Variants in LRRC38 observed in about 807,000 individuals in gnomAD.
LRRC38 encodes leucine-rich repeat-containing protein 38.
LRRC38 carries 5 observed loss-of-function variants against 16.4 expected under a neutral mutation model. That is an observed-to-expected ratio of 0.31 (90% CI 0.16 to 0.64). The LOEUF (loss-of-function observed/expected upper bound fraction) is 0.64, where lower values mean the gene tolerates loss of function less well. Among genes scored for constraint, LRRC38 ranks in the 30% least tolerant of loss-of-function variants. The pLI is 0.80. For synonymous variants in LRRC38, 191 were observed against 190.2 expected (o/e 1.00, Z -0.04); for missense variants, 341 against 401.8 (o/e 0.85, Z 1.29).
At chr1:13,491,065 C>T (rs1639006215) in intron 1 of LRRC38, among the ~76,000 whole-genome samples, 1 of 152,316 alleles carries the variant, frequency 6.6e-6, no homozygotes, top group South Asian at 2.1e-4. Flanking sequence ...CCCTCTTGCC[C>T]AACAACCCTT....
chr1:13,484,020 T>A (rs1638902258), intron 1 of LRRC38, among the ~76,000 whole-genome samples: 1 of 151,954 alleles, frequency 6.6e-6, no homozygotes, highest in Non-Finnish European at 1.5e-5. Context: ...CTACTTCTAG[T>A]CATTCCTCTG....
intron 1 of LRRC38, among the ~76,000 whole-genome samples, chr1:13,482,663 C>A (rs1459741691): frequency 6.6e-6 from 1 of 151,732 alleles, no homozygotes; most frequent in Non-Finnish European, 1.5e-5. Context: ...GGGGCTGGAT[C>A]AGCAGGACAG....
intron 1 of LRRC38, among the ~76,000 whole-genome samples, chr1:13,510,739 T>C (rs1299833771): frequency 2.0e-5 from 3 of 152,070 alleles, no homozygotes; most frequent in African/African-American, 4.8e-5. Context: ...ATAATCTCAT[T>C]TAAATCTCAC....
In LRRC38 at chr1:13,490,076, G is replaced by A. The variant is rs541207158; in HGVS notation, c.632-13977C>T. Among the ~76,000 whole-genome samples, 244 of 152,272 alleles carry A rather than the reference G, an allele frequency of 1.6e-3. 2 individuals carry two copies. The highest frequency in any genetic ancestry group is 4.6e-3 in the South Asian group (22 of 4,822). ...GTCGCACACATAAGCGAGGAAAACC[G>A]ACTGACTGTTCATGTGATTTTTGTA... On this transcript the variant is annotated intron_variant, in intron 1 of 1. Coordinates refer to ENST00000376085, the MANE Select transcript of LRRC38 (RefSeq NM_001010847.2).
chr1:13,481,391 T>TTA (rs1419366958), intron 1 of LRRC38, among the ~76,000 whole-genome samples: 11,780 of 133,830 alleles, frequency 0.088, 528 homozygotes, highest in Middle Eastern at 0.17. Flanking sequence ...TTTTATTTTT[T>TTA]TTTTTTTGTT....
At chr1:13,496,887 G>A (rs754393520) in intron 1 of LRRC38, among the ~76,000 whole-genome samples, 16 of 152,150 alleles carry the variant, frequency 1.1e-4, no homozygotes, top group East Asian at 1.9e-4. Flanking sequence ...ATGGGGCTGC[G>A]GCCCAGGGAG....
chr1:13,481,792 T>TCTCC (rs764490280), intron 1 of LRRC38, among the ~76,000 whole-genome samples: 5 of 90,554 alleles, frequency 5.5e-5, no homozygotes, highest in Admixed American at 2.0e-4. Flanking sequence ...TCTCTCCCTC[T>TCTCC]CTCTCTCTCT....
At chr1:13,493,776 C>T (rs1639047274) in intron 1 of LRRC38, among the ~76,000 whole-genome samples, 2 of 152,116 alleles carry the variant, frequency 1.3e-5, no homozygotes, top group Non-Finnish European at 2.9e-5. Flanking sequence ...CTCTAAGACA[C>T]ACTTTGGGCT....
At chr1:13,481,720 C>G (rs1638861554) in intron 1 of LRRC38, among the ~76,000 whole-genome samples, 1 of 151,376 alleles carries the variant, frequency 6.6e-6, no homozygotes, top group Non-Finnish European at 1.5e-5. Flanking sequence ...GAAGAGACAC[C>G]AGAGAGCTCT....
chr1:13,491,281 G>A (rs1169292496), intron 1 of LRRC38, among the ~76,000 whole-genome samples: 2 of 152,196 alleles, frequency 1.3e-5, no homozygotes, highest in Middle Eastern at 3.2e-3. Flanking sequence ...GCCGTGCTGA[G>A]CATCAGATGC....
intron 1 of LRRC38, among the ~76,000 whole-genome samples, chr1:13,491,193 C>T (rs990318626): frequency 1.3e-5 from 2 of 152,152 alleles, no homozygotes; most frequent in African/African-American, 2.4e-5. Flanking sequence ...AGGTGGAAGA[C>T]AAGGATGCCA....
chr1:13,510,151 G>A (rs1009469825), intron 1 of LRRC38, among the ~76,000 whole-genome samples: 9 of 152,214 alleles, frequency 5.9e-5, no homozygotes, highest in Admixed American at 5.2e-4. Flanking sequence ...GGGAAAGCAA[G>A]GGTAGGATCC....
chr1:13,512,926 C>CCAA, intron 1 of LRRC38, 37 bp downstream of exon 1: 1 of 1,295,016 alleles, frequency 7.7e-7, no homozygotes, highest in Non-Finnish European at 1.1e-6. Flanking sequence ...TCCCTGCCCC[C>CCAA]CTCCCTCCCT....
chr1:13,501,345 C>A (rs971088085), intron 1 of LRRC38, among the ~76,000 whole-genome samples: 1 of 152,062 alleles, frequency 6.6e-6, no homozygotes, highest in Non-Finnish European at 1.5e-5. Flanking sequence ...AAAGGGAAAT[C>A]TTTACTGTCT....
chr1:13,483,102 T>C (rs988124814), intron 1 of LRRC38, among the ~76,000 whole-genome samples: 3 of 151,592 alleles, frequency 2.0e-5, no homozygotes, highest in Admixed American at 6.6e-5. Flanking sequence ...GCCCAGCCCC[T>C]CCCAACAAGC....
At chr1:13,491,023 G>A (rs1268818772) in intron 1 of LRRC38, among the ~76,000 whole-genome samples, 2 of 152,212 alleles carry the variant, frequency 1.3e-5, no homozygotes, top group Non-Finnish European at 1.5e-5. Context: ...CAGGAACTAC[G>A]ATGAGTACTT....
Position 13,495,073 on chromosome 1 carries a change from A to C in LRRC38, c.631+17890T>G, listed in dbSNP as rs185293816. On this transcript the variant is annotated intron_variant, in intron 1 of 1. Transcript: ENST00000376085. ...ACACAAGGGGGTGGGGATAGATATG[A>C]TATGAGATCTGAGACCACAGAAGGG... Among the ~76,000 whole-genome samples, 6 of 152,356 alleles carry C rather than the reference A, an allele frequency of 3.9e-5. No homozygotes were observed. The East Asian group carries it at 1.2e-3, about 29-fold the overall frequency.
At chr1:13,502,138 A>C (rs1428494465) in intron 1 of LRRC38, among the ~76,000 whole-genome samples, 2 of 141,516 alleles carry the variant, frequency 1.4e-5, no homozygotes, top group Non-Finnish European at 3.0e-5. Flanking sequence ...ACGGGGTTTC[A>C]CCATGTTAGC....
At chr1:13,498,117 C>T (rs164947) in intron 1 of LRRC38, among the ~76,000 whole-genome samples, 31,793 of 151,812 alleles carry the variant, frequency 0.21, 3,500 homozygotes, top group Admixed American at 0.26. Context: ...TATCAGGACG[C>T]GCAGCCCAAG....
Sources: gnomAD v4.1 joint callset for allele counts (sites outside exome capture counted in the v4.1 genomes callset) on GRCh38, gnomAD v4.1.1 for gene constraint, MANE v1.5 for transcripts, NCBI Gene and HGNC (gene_info 2026-07-23, HGNC 2026-07-21) for gene names.